EPB41L2: variants seen among roughly 807,000 people sequenced by gnomAD.
The protein encoded by EPB41L2 is erythrocyte membrane protein band 4.1 like 2.
A neutral mutation model predicts 113.0 loss-of-function variants in EPB41L2; 43 were observed. The observed-to-expected ratio is 0.38, with a 90% confidence interval of 0.30 to 0.49. The LOEUF (loss-of-function observed/expected upper bound fraction) is 0.49. Among genes scored for constraint, EPB41L2 ranks in the 20% least tolerant of loss-of-function variants. EPB41L2 has a pLI of 0.95. For synonymous variants in EPB41L2, 442 were observed against 436.7 expected (o/e 1.01, Z -0.15); for missense variants, 1,147 against 1,223.4 (o/e 0.94, Z 0.93).
intron 14 of EPB41L2, among the ~76,000 whole-genome samples, chr6:130,873,838 T>G (rs552432326): frequency 6.6e-6 from 1 of 151,580 alleles, no homozygotes; most frequent in African/African-American, 2.4e-5. Flanking sequence ...CTAAGAAGGG[T>G]GAGGAGCGCA....
At chr6:131,045,015 A>G (rs141031537) in intron 1 of EPB41L2, among the ~76,000 whole-genome samples, 132 of 152,306 alleles carry the variant, frequency 8.7e-4, no homozygotes, top group Middle Eastern at 3.4e-3. Context: ...GATGTAAAAT[A>G]TATTTCTTCC....
intron 1 of EPB41L2, among the ~76,000 whole-genome samples, chr6:130,972,104 A>T (rs936719895): frequency 2.0e-5 from 3 of 152,168 alleles, no homozygotes; most frequent in Admixed American, 6.5e-5. Context: ...TGGACGAATC[A>T]CTTGAGATCA....
At chr6:130,853,165 T>C (rs1221793484) in intron 19 of EPB41L2, among the ~76,000 whole-genome samples, 2 of 152,216 alleles carry the variant, frequency 1.3e-5, no homozygotes, top group Non-Finnish European at 2.9e-5. Context: ...AATAAATGAA[T>C]GGATGAGTGA....
chr6:130,877,137 T>C (rs1188668273), intron 14 of EPB41L2, among the ~76,000 whole-genome samples: 1 of 152,212 alleles, frequency 6.6e-6, no homozygotes, highest in African/African-American at 2.4e-5. Flanking sequence ...TCTTTTTCAA[T>C]GGCACAAACT....
At chr6:130,875,046 T>C (rs1026083057) in intron 14 of EPB41L2, among the ~76,000 whole-genome samples, 3 of 152,338 alleles carry the variant, frequency 2.0e-5, no homozygotes, top group South Asian at 4.1e-4. Flanking sequence ...AGTATATAAA[T>C]ATGTCACTTG....
chr6:130,931,643 T>G (rs1806911577), intron 3 of EPB41L2, among the ~76,000 whole-genome samples: 1 of 152,164 alleles, frequency 6.6e-6, no homozygotes, highest in African/African-American at 2.4e-5. Flanking sequence ...CACAACTTTG[T>G]CTTCACACTG....
intron 1 of EPB41L2, among the ~76,000 whole-genome samples, chr6:131,048,061 C>T (rs1253725417): frequency 1.4e-5 from 2 of 141,042 alleles, no homozygotes; most frequent in African/African-American, 5.5e-5. Context: ...CTGCTTGAAT[C>T]TGTGGGGCAG....
intron 11 of EPB41L2, among the ~76,000 whole-genome samples, chr6:130,889,197 C>A (rs1791999572): frequency 6.6e-6 from 1 of 151,508 alleles, no homozygotes; most frequent in Non-Finnish European, 1.5e-5. Flanking sequence ...GTTCAATCAA[C>A]CAAAAATGTT....
chr6:130,955,127 G>A lies in EPB41L2; in HGVS notation c.683C>T (p.Thr228Ile). The change falls in exon 3 of 20, where the codon ACC becomes ATC. Residue 228 changes from threonine (T) to isoleucine (I), a missense_variant. By Grantham distance (89) the Thr-to-Ile change is moderately conservative (BLOSUM62 -1). Coordinates refer to ENST00000337057, the MANE Select transcript of EPB41L2 (RefSeq NM_001431.4). ...VQCKVTLLDG[T>I]EYSCDLEKHA... ...CACCTCCAGGTCACAGCTGTATTCGGTGCCATCTAAGAGGGTCACTTTACA... is the reference window on the plus strand; with the variant it reads ...CACCTCCAGGTCACAGCTGTATTCGATGCCATCTAAGAGGGTCACTTTACA... 6.2e-7 allele frequency: 1 copy of A among 1,614,098 alleles called. No individual in the cohort carries two copies. The highest frequency in any genetic ancestry group is 8.5e-7 in the Non-Finnish European group (1 of 1,180,012).
intron 1 of EPB41L2, among the ~76,000 whole-genome samples, chr6:131,058,103 G>A (rs145793296): frequency 7.2e-5 from 11 of 152,296 alleles, no homozygotes; most frequent in African/African-American, 2.6e-4. Flanking sequence ...ATAAGGTAGA[G>A]TGAAAATATG....
intron 1 of EPB41L2, among the ~76,000 whole-genome samples, chr6:130,958,757 G>T (rs1042477120): frequency 7.9e-5 from 12 of 152,166 alleles, no homozygotes; most frequent in Admixed American, 7.2e-4. Flanking sequence ...AGCTGAACTG[G>T]TAATAATGAA....
intron 3 of EPB41L2, among the ~76,000 whole-genome samples, chr6:130,942,723 G>A (rs1012675524): frequency 6.6e-6 from 1 of 152,194 alleles, no homozygotes; most frequent in Admixed American, 6.5e-5. Flanking sequence ...ATCTACATTA[G>A]GTATTTCTCC....
chr6:130,922,522 G>T (rs1803201915), intron 4 of EPB41L2, among the ~76,000 whole-genome samples: 1 of 152,072 alleles, frequency 6.6e-6, no homozygotes, highest in South Asian at 2.1e-4. Context: ...TTTTTTGCCT[G>T]AATTTGAATC....
intron 12 of EPB41L2, chr6:130,881,776 T>C (rs1213648932): frequency 6.6e-6 from 1 of 152,100 alleles, no homozygotes. Flanking sequence ...GTCTAAATTT[T>C]CAAAAAGCCA....
At chr6:130,866,237 T>C (rs1325635025) in intron 16 of EPB41L2, among the ~76,000 whole-genome samples, 1 of 152,248 alleles carries the variant, frequency 6.6e-6, no homozygotes, top group Non-Finnish European at 1.5e-5. Context: ...ATAAATCCCA[T>C]ACATATGTTA....
At chr6:130,994,375 G>T (rs1021008099) in intron 1 of EPB41L2, among the ~76,000 whole-genome samples, 21 of 152,138 alleles carry the variant, frequency 1.4e-4, no homozygotes, top group African/African-American at 5.1e-4. Context: ...CTACAGAATT[G>T]GGATATGGCT....
chr6:130,955,378 C>T (rs1817089868), intron 2 of EPB41L2, 61 bp from the exon 3 acceptor site: 1 of 1,461,996 alleles, frequency 6.8e-7, no homozygotes. Flanking sequence ...TGACAACATA[C>T]TAAAAGGAAA....
At chr6:131,029,763 C>T (rs535822325) in intron 1 of EPB41L2, among the ~76,000 whole-genome samples, 3 of 152,310 alleles carry the variant, frequency 2.0e-5, no homozygotes, top group South Asian at 4.1e-4. Flanking sequence ...CATTTAACTG[C>T]TATCAAACAG....
At chr6:131,044,235 C>T (rs1165723194) in intron 1 of EPB41L2, among the ~76,000 whole-genome samples, 1 of 151,406 alleles carries the variant, frequency 6.6e-6, no homozygotes, top group African/African-American at 2.4e-5. Flanking sequence ...CATGTTGCCC[C>T]GGCTGGTCTC....
Sources: allele counts gnomAD v4.1 joint callset (sites outside exome capture counted in the v4.1 genomes callset), GRCh38; gene constraint gnomAD v4.1.1; transcripts MANE v1.5; gene names NCBI Gene and HGNC (gene_info 2026-07-23, HGNC 2026-07-21).